Variants in CATSPERB observed in about 807,000 individuals in gnomAD.
CATSPERB encodes catsper channel auxiliary subunit beta, also known as cation channel sperm-associated auxiliary subunit beta.
Under a neutral mutation model 128.3 loss-of-function variants are expected in CATSPERB, and 93 were observed. That is an observed-to-expected ratio of 0.72 (90% CI 0.61 to 0.86). The LOEUF is 0.86. Ranked by LOEUF, CATSPERB falls within the 40% of genes least tolerant of loss-of-function variation. The pLI, the probability that CATSPERB is intolerant of heterozygous loss-of-function variation, is 0.00. For synonymous variants in CATSPERB, 381 were observed against 448.8 expected, an observed-to-expected ratio of 0.85 and a Z score of 1.91; for missense variants, 1,153 against 1,329.5, an observed-to-expected ratio of 0.87 and a Z score of 2.06.
intron 15 of CATSPERB, among the ~76,000 whole-genome samples, chr14:91,641,490 C>G (rs974423857): frequency 2.6e-5 from 4 of 152,024 alleles, no homozygotes; most frequent in Non-Finnish European, 4.4e-5. Context: ...GCTTGTTTTT[C>G]TCAGGTTTGT....
intron 4 of CATSPERB, 58 bp from the exon 5 acceptor site, chr14:91,719,536 C>G (rs955949965): frequency 1.6e-6 from 2 of 1,255,904 alleles, no homozygotes; most frequent in Non-Finnish European, 2.3e-6. Context: ...CAACACATCA[C>G]ATTCTATGCT....
At chr14:91,670,744 C>T (rs1033752003) in intron 13 of CATSPERB, among the ~76,000 whole-genome samples, 4 of 152,124 alleles carry the variant, frequency 2.6e-5, no homozygotes, top group African/African-American at 7.2e-5. Context: ...TGGCTTACGC[C>T]TATAATCCCA....
chr14:91,631,337 A>C (rs1176353920), intron 17 of CATSPERB, among the ~76,000 whole-genome samples: 2 of 152,208 alleles, frequency 1.3e-5, no homozygotes, highest in Admixed American at 1.3e-4. Context: ...TTTAGTAAAA[A>C]CATGGACATT....
In CATSPERB at chr14:91,619,161, A is replaced by T. The variant is rs1893997534; in HGVS notation, c.2261-1425T>A. On this transcript the variant is annotated intron_variant, in intron 19 of 26. Coordinates refer to ENST00000256343, the MANE Select transcript of CATSPERB (RefSeq NM_024764.4). ...GATTACAATGGAACAGATCCTAAAA[A>T]TTCAGAAATGGTCAGAATAACAGGT... 3.3e-5 allele frequency among the ~76,000 whole-genome samples: 5 copies of T among 152,214 alleles called. No individual in the cohort carries two copies. The South Asian group carries it at 1.0e-3, about 31-fold the overall frequency.
At chr14:91,591,540 G>T (rs1893402080) in intron 23 of CATSPERB, among the ~76,000 whole-genome samples, 1 of 151,564 alleles carries the variant, frequency 6.6e-6, no homozygotes, top group Admixed American at 6.6e-5. Context: ...GATACTCAAA[G>T]TTATTTTAAA....
intron 5 of CATSPERB, among the ~76,000 whole-genome samples, chr14:91,718,268 A>G (rs764970453): frequency 6.6e-6 from 1 of 152,244 alleles, no homozygotes; most frequent in Non-Finnish European, 1.5e-5. Flanking sequence ...AAAACGTTGA[A>G]TAAAGGGTAA....
chr14:91,610,863 G>A (rs1371840193), intron 20 of CATSPERB, among the ~76,000 whole-genome samples, 186 bp from the exon 21 acceptor site: 1 of 152,144 alleles, frequency 6.6e-6, no homozygotes, highest in Non-Finnish European at 1.5e-5. Flanking sequence ...CCAATCCAGT[G>A]TCACTGGTGT....
At chr14:91,596,561 GA>G (rs1231264038) in intron 22 of CATSPERB, among the ~76,000 whole-genome samples, 1 of 151,996 alleles carries the variant, frequency 6.6e-6, no homozygotes, top group East Asian at 1.9e-4. Flanking sequence ...ATTGTCTGTG[GA>G]TGAAAAAAAG....
chr14:91,717,904 C>T (rs1895969540), intron 5 of CATSPERB, among the ~76,000 whole-genome samples: 1 of 152,162 alleles, frequency 6.6e-6, no homozygotes, highest in African/African-American at 2.4e-5. Context: ...TATTACAGTA[C>T]TAGCACAAAG....
At position 91,580,971 on chromosome 14, in the gene CATSPERB, T is replaced by C; in HGVS notation, c.3269A>G (p.Gln1090Arg). The change falls in exon 27 of 27, where the codon CAA becomes CGA. Residue 1090 changes from glutamine to arginine, a missense_variant. Physicochemically the swap from Gln to Arg is conservative, Grantham distance 43. Transcript: ENST00000256343. ...LQGIHPWRTF[Q>R]RWIRRNQEKF... ...CTCTTGGTTTCTTCTAATCCATCTT[T>C]GGAATGTCCTCCACGGATGGATGCC... 1 of 1,614,252 alleles carries C rather than the reference T, an allele frequency of 6.2e-7. No homozygotes were observed. The highest frequency in any genetic ancestry group is 8.5e-7 in the Non-Finnish European group (1 of 1,180,040).
intron 13 of CATSPERB, among the ~76,000 whole-genome samples, chr14:91,670,761 TG>T (rs1895075551): frequency 6.6e-6 from 1 of 152,102 alleles, no homozygotes; most frequent in Non-Finnish European, 1.5e-5. Flanking sequence ...CCCAGCACTT[TG>T]GGGGGCCGAA....
intron 19 of CATSPERB, 81 bp from the exon 20 acceptor site, chr14:91,617,817 T>TAGAACATCA: frequency 1.0e-6 from 1 of 988,278 alleles, no homozygotes; most frequent in Non-Finnish European, 1.5e-6. Flanking sequence ...AATCAGATTT[T>TAGAACATCA]AGAACATCAA....
intron 5 of CATSPERB, chr14:91,710,687 A>G (rs1402949523): frequency 2.0e-5 from 3 of 152,258 alleles, no homozygotes; most frequent in Non-Finnish European, 4.4e-5. Flanking sequence ...TAAGTCAATC[A>G]GAGAGAACGC....
chr14:91,597,763 G>C (rs1445345850), intron 22 of CATSPERB, among the ~76,000 whole-genome samples: 1 of 152,140 alleles, frequency 6.6e-6, no homozygotes, highest in Non-Finnish European at 1.5e-5. Flanking sequence ...TATGGGGCCT[G>C]AAGATGAGGC....
At chr14:91,717,814 G>T (rs1352285466) in intron 5 of CATSPERB, among the ~76,000 whole-genome samples, 1 of 152,142 alleles carries the variant, frequency 6.6e-6, no homozygotes, top group Non-Finnish European at 1.5e-5. Context: ...AAAAGTGAAT[G>T]AATAAATATG....
chr14:91,674,493 A>C (rs1895155845), intron 11 of CATSPERB, among the ~76,000 whole-genome samples: 2 of 152,176 alleles, frequency 1.3e-5, no homozygotes, highest in African/African-American at 2.4e-5. Flanking sequence ...TATATAAAGC[A>C]AACTTGTCTT....
intron 15 of CATSPERB, among the ~76,000 whole-genome samples, chr14:91,639,608 AG>A (rs770612072): frequency 1.4e-4 from 22 of 152,328 alleles, no homozygotes; most frequent in Admixed American, 3.3e-4. Flanking sequence ...ATCCTTAGGA[AG>A]GCAAGGCGAA....
In CATSPERB at chr14:91,730,642, G is replaced by T. The variant is rs567208144; in HGVS notation, c.1-1163C>A. Among the ~76,000 whole-genome samples the T allele has an allele frequency of 2.0e-5, 3 of 152,232 alleles. No homozygotes were observed. In the East Asian group the frequency reaches 5.8e-4, roughly 29 times the overall value. On this transcript the variant is annotated intron_variant, in intron 1 of 26. Coordinates refer to ENST00000256343, the MANE Select transcript of CATSPERB (RefSeq NM_024764.4). ...ATAAAGTCCTTCGTCTCTGACCTAG[G>T]AGTCTTGTGTCTTTTGCCAGCATCC...
chr14:91,701,393 T>G (rs1017188205), intron 7 of CATSPERB, among the ~76,000 whole-genome samples: 13 of 152,114 alleles, frequency 8.5e-5, no homozygotes, highest in Admixed American at 6.6e-4. Flanking sequence ...GATGACCCAG[T>G]ACTCTTTATG....
Sources: allele counts gnomAD v4.1 joint callset (sites outside exome capture counted in the v4.1 genomes callset), GRCh38; gene constraint gnomAD v4.1.1; transcripts MANE v1.5; gene names NCBI Gene and HGNC (gene_info 2026-07-23, HGNC 2026-07-21).